DNAI3: variants seen among roughly 807,000 people sequenced by gnomAD.
DNAI3 encodes the protein dynein axonemal intermediate chain 3.
DNAI3 carries 83 observed loss-of-function variants against 115.5 expected under a neutral mutation model. That is an observed-to-expected ratio of 0.72 (90% CI 0.60 to 0.86). DNAI3 has a LOEUF of 0.86. Ranked by LOEUF, DNAI3 falls within the 40% of genes least tolerant of loss-of-function variation. The probability of loss-of-function intolerance (pLI) is 0.00; values close to 1 mark genes in which losing one functional copy is unlikely to be tolerated. For synonymous variants in DNAI3, 320 were observed against 347.0 expected (o/e 0.92, Z 0.86); for missense variants, 1,004 against 1,075.8 (o/e 0.93, Z 0.93).
chr1:85,110,617 G>C (rs1655629765), intron 16 of DNAI3, among the ~76,000 whole-genome samples: 1 of 151,986 alleles, frequency 6.6e-6, no homozygotes, highest in South Asian at 2.1e-4. Context: ...AATAGCTATT[G>C]CCAACGCATT....
intron 3 of DNAI3, among the ~76,000 whole-genome samples, chr1:85,079,572 A>T (rs1035995962): frequency 2.0e-5 from 3 of 152,002 alleles, no homozygotes; most frequent in African/African-American, 7.2e-5. Context: ...GCTAGAGGAG[A>T]TGGGAGTGGA....
In DNAI3 at chr1:85,133,061, A is replaced by C; in HGVS notation, c.*63A>C. 1 of 1,529,358 alleles carries C rather than the reference A, an allele frequency of 6.5e-7. No homozygotes were observed. Among genetic ancestry groups the C allele is most frequent in the Non-Finnish European group, 8.8e-7 (1 of 1,134,582 alleles). 94.7% of individuals were successfully genotyped at this position (1,529,358 alleles called of 1,614,324 possible). On this transcript the variant is annotated 3_prime_UTR_variant, in exon 23 of 23. Coordinates refer to ENST00000294664, the MANE Select transcript of DNAI3 (RefSeq NM_145172.5). The stretch of plus-strand genomic sequence containing the variant: ...CTCTATTTATTTTTATGTCAGGTGA[A>C]CTGGCATGCTGAACATATATATATA...
At chr1:85,065,583 A>G (rs1319293114) in intron 1 of DNAI3, among the ~76,000 whole-genome samples, 1 of 152,110 alleles carries the variant, frequency 6.6e-6, no homozygotes, top group Non-Finnish European at 1.5e-5. Flanking sequence ...GTGTGTGTGT[A>G]GAGTGGCAAT....
intron 5 of DNAI3, 55 bp from the exon 6 acceptor site, chr1:85,084,491 A>AT: frequency 1.1e-6 from 1 of 911,680 alleles, no homozygotes; most frequent in Non-Finnish European, 1.5e-6. Context: ...TATATATATA[A>AT]AGCTATAACC....
intron 21 of DNAI3, 46 bp from the exon 22 acceptor site, chr1:85,129,944 G>C: frequency 6.3e-7 from 1 of 1,584,622 alleles, no homozygotes; most frequent in African/African-American, 1.4e-5. Flanking sequence ...AAAGGTCATG[G>C]GGGCTTCCTG....
chr1:85,089,893 C>T (rs1322761283), intron 7 of DNAI3, among the ~76,000 whole-genome samples: 1 of 151,982 alleles, frequency 6.6e-6, no homozygotes. Flanking sequence ...AAAAATTTTA[C>T]AAAAATAAGA....
rs1253898712 is a variant in DNAI3, at chr1:85,093,469, C to T, written c.869C>T (p.Ala290Val). 1 of 1,613,630 alleles carries T rather than the reference C, an allele frequency of 6.2e-7. No individual in the cohort carries two copies. The highest frequency in any genetic ancestry group is 1.7e-5 in the Admixed American group (1 of 59,936). ...LNNASISVEI[A>V]LQQNEIMNTF... ...TTTTTACAAATTAGTGTTGAAATAG[C>T]CCTGCAGCAAAATGAAATCATGAAC... Residue 290 changes from alanine to valine, a missense_variant, in exon 9 of 23, where the codon GCC becomes GTC. This residue lies in a region of DNAI3 where 550 missense variants were observed against 568.1 expected (regional missense o/e 0.97). Coordinates refer to ENST00000294664, the MANE Select transcript of DNAI3 (RefSeq NM_145172.5).
At chr1:85,070,269 T>A (rs534397068) in intron 1 of DNAI3, among the ~76,000 whole-genome samples, 9 of 151,958 alleles carry the variant, frequency 5.9e-5, no homozygotes, top group South Asian at 2.1e-4. Flanking sequence ...TCAAAAAAAA[T>A]AAAATAAAAT....
chr1:85,063,751 G>A (rs1296346213), intron 1 of DNAI3, among the ~76,000 whole-genome samples: 2 of 152,172 alleles, frequency 1.3e-5, no homozygotes, highest in Admixed American at 1.3e-4. Flanking sequence ...TCTGAGGTTG[G>A]CCTCTTGAGT....
chr1:85,084,709 A>G lies in DNAI3; in HGVS notation c.540+14A>G, dbSNP rs1654744483. ...TCTACAAAGCAGGTTAGAGGGTTATATATGATCTGTAATCATTACCTCCCT... is the reference window on the plus strand; with the variant it reads ...TCTACAAAGCAGGTTAGAGGGTTATGTATGATCTGTAATCATTACCTCCCT... On this transcript the variant is annotated intron_variant, in intron 6 of 22. Coordinates refer to ENST00000294664, the MANE Select transcript of DNAI3 (RefSeq NM_145172.5). 14 of 1,471,258 alleles carry G rather than the reference A, an allele frequency of 9.5e-6. No homozygotes were observed. Among genetic ancestry groups the G allele is most frequent in the South Asian group, 3.0e-5 (2 of 66,164 alleles). The allele number at this position is 1,471,258 out of a possible 1,614,324, so 91.1% of individuals were successfully genotyped here.
At chr1:85,080,360 C>T (rs532551632) in intron 3 of DNAI3, among the ~76,000 whole-genome samples, 18 of 152,126 alleles carry the variant, frequency 1.2e-4, no homozygotes, top group African/African-American at 4.1e-4. Context: ...AAATGAGAGA[C>T]CATTGAGCAA....
At position 85,085,923 on chromosome 1, in the gene DNAI3, T is replaced by C; in HGVS notation, c.633T>C (p.Ile211=). 6.2e-7 allele frequency: 1 copy of C among 1,614,170 alleles called. No individual in the cohort carries two copies. The highest frequency in any genetic ancestry group is 1.1e-5 in the South Asian group (1 of 91,088). ...CTTCCAGTGTAAAAGATGCCTATAT[T>C]GAATGTACAGCCTACCCAGATAAAA... ...QNASSVKDAY[I]ECTAYPDKNF... Residue 211 remains isoleucine (I), a synonymous_variant, in exon 7 of 23, where the codon ATT becomes ATC. Coordinates refer to ENST00000294664, the MANE Select transcript of DNAI3 (RefSeq NM_145172.5).
In DNAI3 at chr1:85,111,231, T is replaced by TA. The variant is rs377457342; in HGVS notation, c.1786+1102dup. On this transcript the variant is annotated intron_variant, in intron 16 of 22. Coordinates refer to ENST00000294664, the MANE Select transcript of DNAI3 (RefSeq NM_145172.5). ...ATTGATATAACCCAAAACCTCATGCTAAAAAATACTGATTCACTAAACTTT... is the reference window on the plus strand; with the variant it reads ...ATTGATATAACCCAAAACCTCATGCTAAAAAAATACTGATTCACTAAACTTT... Among the ~76,000 whole-genome samples, 251 of 152,334 alleles carry TA rather than the reference T, an allele frequency of 1.6e-3. 1 individual carries two copies. Among genetic ancestry groups the TA allele is most frequent in the African/African-American group, 5.8e-3 (241 of 41,584 alleles).
intron 5 of DNAI3, 56 bp from the exon 6 acceptor site, chr1:85,084,490 A>AT: frequency 1.6e-6 from 2 of 1,217,258 alleles, no homozygotes; most frequent in Non-Finnish European, 2.1e-6. Flanking sequence ...ATATATATAT[A>AT]AAGCTATAAC....
At chr1:85,098,284 A>C (rs906965843) in intron 12 of DNAI3, among the ~76,000 whole-genome samples, 1 of 152,198 alleles carries the variant, frequency 6.6e-6, no homozygotes, top group African/African-American at 2.4e-5. Flanking sequence ...GAGATGTCTC[A>C]TTGATTCTTT....
chr1:85,094,003 T>C, intron 9 of DNAI3: 1 of 443,654 alleles, frequency 2.3e-6, no homozygotes, highest in Non-Finnish European at 4.4e-6. Flanking sequence ...TTCTGATTAC[T>C]AGACAAGAGA....
chr1:85,069,541 T>A (rs1433923906), intron 1 of DNAI3, among the ~76,000 whole-genome samples: 1 of 151,970 alleles, frequency 6.6e-6, no homozygotes, highest in Non-Finnish European at 1.5e-5. Context: ...GTGGTGGTGA[T>A]GGTGTGTGCG....
chr1:85,122,640 A>T (rs1656025936), intron 18 of DNAI3, among the ~76,000 whole-genome samples: 1 of 152,212 alleles, frequency 6.6e-6, no homozygotes, highest in South Asian at 2.1e-4. Context: ...ACCATGAGGG[A>T]GCAGTGTGGT....
intron 1 of DNAI3, among the ~76,000 whole-genome samples, chr1:85,070,421 T>C (rs1165283545): frequency 6.6e-6 from 1 of 152,166 alleles, no homozygotes; most frequent in African/African-American, 2.4e-5. Flanking sequence ...CTGCTTGGGC[T>C]CACAGCCTGA....
Sources: gnomAD v4.1 joint callset for allele counts (sites outside exome capture counted in the v4.1 genomes callset) on GRCh38, gnomAD v4.1.1 for gene constraint, gnomAD v4.1.1 regional missense constraint, MANE v1.5 for transcripts, NCBI Gene and HGNC (gene_info 2026-07-23, HGNC 2026-07-21) for gene names.